The following RGS3 variants were observed in gnomAD, a reference collection of about 807,000 sequenced individuals.
RGS3 encodes the protein regulator of G-protein signalling 3.
Under a neutral mutation model 132.6 loss-of-function variants are expected in RGS3, and 80 were observed. The observed-to-expected ratio is 0.60, with a 90% CI of 0.50 to 0.73. RGS3 has a LOEUF of 0.73. Among genes scored for constraint, RGS3 ranks in the 30% least tolerant of loss-of-function variants. The pLI, the probability that RGS3 is intolerant of heterozygous loss-of-function variation, is 0.00. For synonymous variants in RGS3, 598 were observed against 620.6 expected (o/e 0.96, Z 0.54); for missense variants, 1,382 against 1,530.8 (o/e 0.90, Z 1.62).
intron 3 of RGS3, among the ~76,000 whole-genome samples, chr9:113,473,698 C>T (rs1829905790): frequency 6.6e-6 from 1 of 152,162 alleles, no homozygotes; most frequent in Non-Finnish European, 1.5e-5. Flanking sequence ...ACCTGTTTAC[C>T]TCTTAATAAT....
intron 6 of RGS3, among the ~76,000 whole-genome samples, chr9:113,484,842 G>C (rs1164275675): frequency 6.6e-6 from 1 of 152,096 alleles, no homozygotes; most frequent in East Asian, 1.9e-4. Flanking sequence ...TTAATATTTT[G>C]GTTTTTCTCT....
At chr9:113,594,586 G>C (rs901296628) in intron 22 of RGS3, 55 bp downstream of exon 20, 2 of 1,389,482 alleles carry the variant, frequency 1.4e-6, no homozygotes, top group Non-Finnish European at 2.0e-6. Context: ...GCTCCCCGGG[G>C]AGTAGGACTG....
At position 113,568,234 on chromosome 9, in the gene RGS3, G is replaced by A. The variant is rs1183043842; in HGVS notation, c.2038-15216G>A. ...CAACTGGATGTCTCAGAGTATCCAGGTTTCATCTTGGGGCTCTCTTTCTGG... is the reference window on the plus strand; with the variant it reads ...CAACTGGATGTCTCAGAGTATCCAGATTTCATCTTGGGGCTCTCTTTCTGG... On this transcript the variant is annotated intron_variant, in intron 19 of 24. Transcript: ENST00000350696. 3.3e-5 allele frequency among the ~76,000 whole-genome samples: 5 copies of A among 152,192 alleles called. No individual in the cohort carries two copies. The East Asian group carries it at 9.6e-4, about 29-fold the overall frequency.
At chr9:113,488,133 G>A (rs1830394924) in intron 7 of RGS3, among the ~76,000 whole-genome samples, 1 of 152,162 alleles carries the variant, frequency 6.6e-6, no homozygotes, top group African/African-American at 2.4e-5. Flanking sequence ...ACAGACTCAG[G>A]CCATATTTAG....
At chr9:113,453,003 AAT>A (rs980755367) in intron 1 of RGS3, among the ~76,000 whole-genome samples, 1 of 132,234 alleles carries the variant, frequency 7.6e-6, no homozygotes, top group Non-Finnish European at 1.6e-5. Flanking sequence ...TATAAATATA[AAT>A]ATATATTATA....
Position 113,447,329 on chromosome 9 carries a change from G to GTGTATATATATATA in RGS3, c.-13+2403_-13+2404insGTATATATATATAT, listed in dbSNP as rs1554751009. Among the ~76,000 whole-genome samples the GTGTATATATATATA allele has an allele frequency of 5.8e-4, 16 of 27,556 alleles. 1 individual carries two copies. Among genetic ancestry groups the GTGTATATATATATA allele is most frequent in the African/African-American group, 9.8e-4 (10 of 10,202 alleles). 18.1% of individuals were successfully genotyped at this position (27,556 alleles called of 152,430 possible). On this transcript the variant is annotated intron_variant, in intron 1 of 25. Transcript: ENST00000374140. ...CCAATAAATTCTGATGTATGTATATGTATATATATATATATATATATATAT... is the reference window on the plus strand; with the variant it reads ...CCAATAAATTCTGATGTATGTATATGTGTATATATATATATATATATATATATATATATATATAT...
intron 19 of RGS3, among the ~76,000 whole-genome samples, chr9:113,554,233 T>G (rs1409673681): frequency 6.6e-6 from 1 of 152,236 alleles, no homozygotes; most frequent in South Asian, 2.1e-4. Context: ...TTTTAATTCT[T>G]TGTTGGTACA....
intron 19 of RGS3, among the ~76,000 whole-genome samples, chr9:113,575,792 T>C (rs1428451735): frequency 6.6e-6 from 1 of 152,200 alleles, no homozygotes; most frequent in Non-Finnish European, 1.5e-5. Flanking sequence ...CAGTAGGTCT[T>C]AGATTGGGTC....
chr9:113,514,898 C>G (rs145139992), intron 15 of RGS3, among the ~76,000 whole-genome samples: 3 of 152,158 alleles, frequency 2.0e-5, no homozygotes, highest in Non-Finnish European at 4.4e-5. Flanking sequence ...CTCCTTCCCC[C>G]ACCTCGCCTC....
intron 7 of RGS3, among the ~76,000 whole-genome samples, chr9:113,485,937 G>A (rs1588150885): frequency 6.6e-6 from 1 of 152,200 alleles, no homozygotes; most frequent in African/African-American, 2.4e-5. Flanking sequence ...TGGTCACTGG[G>A]GAAGCCGACC....
intron 19 of RGS3, among the ~76,000 whole-genome samples, chr9:113,549,295 G>A (rs978669947): frequency 1.3e-5 from 2 of 152,228 alleles, no homozygotes; most frequent in African/African-American, 4.8e-5. Flanking sequence ...AAGATCAAAG[G>A]GGATCTGTTG....
At chr9:113,488,000 C>G (rs1830391801) in intron 7 of RGS3, among the ~76,000 whole-genome samples, 1 of 152,074 alleles carries the variant, frequency 6.6e-6, no homozygotes. Flanking sequence ...GAATGTCTGG[C>G]CATTGGGAGA....
chr9:113,536,461 C>T, intron 18 of RGS3: 1 of 1,025,164 alleles, frequency 9.8e-7, no homozygotes, highest in Non-Finnish European at 1.2e-6. Flanking sequence ...CCACGTGCTC[C>T]CTCAGCTGCT....
chr9:113,485,676 C>G (rs1335349721), exon 7 of RGS3: 1 of 1,591,202 alleles, frequency 6.3e-7, no homozygotes, highest in Non-Finnish European at 8.6e-7. Context: ...CTGTGTGGAA[C>G]AGGGCCAGCC....
At chr9:113,551,479 T>C (rs1833337046) in intron 19 of RGS3, among the ~76,000 whole-genome samples, 1 of 152,220 alleles carries the variant, frequency 6.6e-6, no homozygotes, top group African/African-American at 2.4e-5. Flanking sequence ...CTCTTAGGTG[T>C]ACACCTAGGA....
At position 113,565,271 on chromosome 9, in the gene RGS3, G is replaced by A. The variant is rs770050417; in HGVS notation, c.2038-18179G>A. On this transcript the variant is annotated intron_variant, in intron 19 of 24. Coordinates refer to ENST00000350696, the Ensembl canonical transcript of RGS3. This position sits in a 1 kb window ranked among gnomAD's most constrained non-coding sequence, Gnocchi z 5.7. ...AGACATCCCGGACTCCATCTCGGATGAAAGTGCTTTGAGAAACCACAGAGT... is the reference window on the plus strand; with the variant it reads ...AGACATCCCGGACTCCATCTCGGATAAAAGTGCTTTGAGAAACCACAGAGT... 424 of 1,289,394 alleles carry A rather than the reference G, an allele frequency of 3.3e-4. No homozygotes were observed. The highest frequency in any genetic ancestry group is 6.4e-4 in the Admixed American group (28 of 43,524). The allele number at this position is 1,289,394 out of a possible 1,614,324, so 79.9% of individuals were successfully genotyped here.
rs1385529282 is a variant in RGS3 at position 113,463,333 on chromosome 9, C to T, written c.415+1132C>T. The stretch of plus-strand genomic sequence containing the variant: ...CCTGGGCCATCGGGTGCTCCTTTGC[C>T]TTTGCTTGGATCTAATGATTATAGG... On this transcript the variant is annotated intron_variant, in intron 3 of 24. Coordinates refer to ENST00000350696, the Ensembl canonical transcript of RGS3. The surrounding 1 kb of genome is among the most constrained non-coding windows in gnomAD (Gnocchi z 4.6). Among the ~76,000 whole-genome samples the T allele has an allele frequency of 1.3e-5, 2 of 152,182 alleles. No homozygotes were observed. The highest frequency in any genetic ancestry group is 4.8e-5 in the African/African-American group (2 of 41,436).
chr9:113,511,753 G>C (rs756797189), intron 14 of RGS3, among the ~76,000 whole-genome samples: 12 of 151,962 alleles, frequency 7.9e-5, no homozygotes, highest in Non-Finnish European at 1.8e-4. Flanking sequence ...CCAGATTTTG[G>C]CATTTACAGT....
chr9:113,467,987 A>G (rs1829705368), intron 3 of RGS3, among the ~76,000 whole-genome samples: 4 of 152,240 alleles, frequency 2.6e-5, no homozygotes, highest in Admixed American at 2.6e-4. Context: ...TGGCCTCCCA[A>G]AGTGCTGGGA....
Sources: allele counts gnomAD v4.1 joint callset (sites outside exome capture counted in the v4.1 genomes callset), GRCh38; gene constraint gnomAD v4.1.1; non-coding constraint Gnocchi (gnomAD v3.1); transcripts MANE v1.5; gene names NCBI Gene and HGNC (gene_info 2026-07-23, HGNC 2026-07-21).